The following LDHAL6A variants were observed in gnomAD, a reference collection of about 807,000 sequenced individuals.
LDHAL6A encodes lactate dehydrogenase A like 6A.
In LDHAL6A, 19 loss-of-function variants were observed where a neutral mutation model predicts 28.2. The observed-to-expected ratio is 0.67, with a 90% CI of 0.47 to 0.99. LDHAL6A has a LOEUF of 0.99. Ranked by LOEUF, LDHAL6A falls within the 50% of genes least tolerant of loss-of-function variation. The pLI, the probability that LDHAL6A is intolerant of heterozygous loss-of-function variation, is 0.00. For missense variants in LDHAL6A, 372 were observed against 398.6 expected, an observed-to-expected ratio of 0.93 and a Z score of 0.57; for synonymous variants, 144 against 134.4, an observed-to-expected ratio of 1.07 and a Z score of -0.49.
intron 1 of LDHAL6A, among the ~76,000 whole-genome samples, chr11:18,460,547 C>T (rs926930181): frequency 1.0e-4 from 15 of 148,662 alleles, no homozygotes; most frequent in African/African-American, 3.8e-4. Flanking sequence ...CAGCCAAGAT[C>T]GCACCATTGC....
At chr11:18,471,807 ACCCAGAATGGC>A in intron 3 of LDHAL6A, among the ~76,000 whole-genome samples, 1 of 150,560 alleles carries the variant, frequency 6.6e-6, no homozygotes, top group Admixed American at 6.6e-5. Context: ...ACAAAAATCT[ACCCAGAATGGC>A]TTATGAAGGT....
At chr11:18,471,444 A>G (rs1344355889) in intron 3 of LDHAL6A, among the ~76,000 whole-genome samples, 1 of 151,740 alleles carries the variant, frequency 6.6e-6, no homozygotes, top group East Asian at 1.9e-4. Flanking sequence ...TCCTGGCCTC[A>G]AGTGATCTAC....
chr11:18,456,095 T>G lies in LDHAL6A; in HGVS notation c.-586T>G, dbSNP rs1429626454. 1 of 153,610 alleles carries G rather than the reference T, an allele frequency of 6.5e-6. No individual in the cohort carries two copies. The highest frequency in any genetic ancestry group is 1.9e-4 in the East Asian group (1 of 5,212). 9.5% of individuals were successfully genotyped at this position (153,610 alleles called of 1,614,324 possible). On this transcript the variant is annotated 5_prime_UTR_variant, in exon 1 of 7. Transcript: ENST00000280706. ...ACCTCTTGAGTGAGTGGCCATGAGCTGGGCTGCAAGAGTCCTGGGGAGCAG... is the reference window on the plus strand; with the variant it reads ...ACCTCTTGAGTGAGTGGCCATGAGCGGGGCTGCAAGAGTCCTGGGGAGCAG...
intron 4 of LDHAL6A, 125 bp downstream of exon 4, chr11:18,475,764 C>T (rs754923761): frequency 2.5e-4 from 172 of 681,202 alleles, no homozygotes; most frequent in Non-Finnish European, 3.5e-4. Flanking sequence ...CTTTTAGTAG[C>T]GTTTAATTTT....
In LDHAL6A at chr11:18,456,769, C is replaced by T. The variant is rs1427607614; in HGVS notation, c.89C>T (p.Ser30Leu). The change falls in exon 1 of 7, where the codon TCG becomes TTG. Residue 30 changes from serine (S) to leucine (L), a missense_variant. Physicochemically the swap from Ser to Leu is moderately radical, Grantham distance 145 (BLOSUM62 -2). Coordinates refer to ENST00000280706, the MANE Select transcript of LDHAL6A (RefSeq NM_144972.5). ...AAGATCTCCATTGTAGGAACTGGAT[C>T]GGTTGGTGTGGCTTGTGCTATCAGC... The part of the protein sequence containing the change: ...HNKISIVGTG[S>L]VGVACAISIL... 5 of 1,613,666 alleles carry T rather than the reference C, an allele frequency of 3.1e-6. No individual in the cohort carries two copies. The highest frequency in any genetic ancestry group is 1.1e-5 in the South Asian group (1 of 91,010).
At chr11:18,457,484 A>G (rs1393862834) in intron 1 of LDHAL6A, among the ~76,000 whole-genome samples, 1 of 152,148 alleles carries the variant, frequency 6.6e-6, no homozygotes, top group Non-Finnish European at 1.5e-5. Flanking sequence ...ATAACCTTTA[A>G]TCCTGGCATG....
At position 18,463,997 on chromosome 11, in the gene LDHAL6A, G is replaced by C; in HGVS notation, c.163G>C (p.Glu55Gln). The C allele has an allele frequency of 1.9e-6, 3 of 1,613,982 alleles. No homozygotes were observed. Among genetic ancestry groups the C allele is most frequent in the Non-Finnish European group, 2.5e-6 (3 of 1,179,910 alleles). The change falls in exon 2 of 7, where the codon GAA becomes CAA. Residue 55 changes from glutamate (E) to glutamine (Q), a missense_variant. Physicochemically the swap from Glu to Gln is conservative, Grantham distance 29. This residue lies in a region of LDHAL6A where 77 missense variants were observed against 77.9 expected (regional missense o/e 0.99). Coordinates refer to ENST00000280706, the MANE Select transcript of LDHAL6A (RefSeq NM_144972.5). The part of the protein sequence containing the change: ...SDELVLVDVD[E>Q]GKLKGETMDL... ...TGAACTTGTCCTTGTGGATGTTGAT[G>C]AAGGCAAACTGAAGGGTGAGACAAT...
chr11:18,467,880 C>CATAT (rs1161164040), intron 3 of LDHAL6A, among the ~76,000 whole-genome samples: 100 of 44,356 alleles, frequency 2.3e-3, no homozygotes, highest in African/African-American at 0.011. Context: ...TATATACACA[C>CATAT]ATATATATAT....
At chr11:18,471,415 G>A (rs936443084) in intron 3 of LDHAL6A, among the ~76,000 whole-genome samples, 19 of 151,622 alleles carry the variant, frequency 1.3e-4, no homozygotes, top group Admixed American at 1.2e-3. Context: ...TTGCCATGTT[G>A]CCCAGGCTGG....
intron 3 of LDHAL6A, among the ~76,000 whole-genome samples, chr11:18,469,510 C>G (rs1849205824): frequency 6.6e-6 from 1 of 152,102 alleles, no homozygotes; most frequent in Non-Finnish European, 1.5e-5. Context: ...TAAGCACATT[C>G]AGAGGATACT....
At chr11:18,467,910 T>TACAC (rs1849122973) in intron 3 of LDHAL6A, among the ~76,000 whole-genome samples, 4 of 71,594 alleles carry the variant, frequency 5.6e-5, no homozygotes, top group African/African-American at 6.9e-5. Context: ...TATATATATA[T>TACAC]ATATATATAC....
Position 18,456,402 on chromosome 11 carries a change from C to CT in LDHAL6A, c.-276dup. 3.1e-6 allele frequency: 1 copy of CT among 326,846 alleles called. No homozygotes were observed. Among genetic ancestry groups the CT allele is most frequent in the Non-Finnish European group, 5.4e-6 (1 of 183,912 alleles). The allele number at this position is 326,846 out of a possible 1,614,324, so 20.2% of individuals were successfully genotyped here. A position where few individuals can be genotyped will look rare whatever the true frequency, so the allele number is the denominator to read the frequency against. On this transcript the variant is annotated 5_prime_UTR_variant, in exon 1 of 7. The change creates a premature stop within an existing upstream ORF in the 5' untranslated region. Transcript: ENST00000280706. ...ATGTTTGGTGGAGCAACCCCTGTTC[C>CT]TTTCCTCTCTCTCTCTCTTAATTCC...
At chr11:18,471,683 G>A (rs957759811) in intron 3 of LDHAL6A, among the ~76,000 whole-genome samples, 14 of 150,988 alleles carry the variant, frequency 9.3e-5, no homozygotes, top group African/African-American at 3.4e-4. Context: ...CCAGAACTTT[G>A]GGAGGCTGAG....
intron 3 of LDHAL6A, among the ~76,000 whole-genome samples, chr11:18,474,867 C>T (rs1005547592): frequency 1.3e-5 from 2 of 152,204 alleles, no homozygotes; most frequent in Non-Finnish European, 2.9e-5. Flanking sequence ...ATTCAATGCT[C>T]TTTGCTTCCT....
At chr11:18,466,936 G>A (rs1013703752) in intron 3 of LDHAL6A, among the ~76,000 whole-genome samples, 1 of 152,182 alleles carries the variant, frequency 6.6e-6, no homozygotes, top group Non-Finnish European at 1.5e-5. Flanking sequence ...ATAACTTCGA[G>A]AGTTTTTCCT....
Position 18,463,036 on chromosome 11 carries a change from G to A in LDHAL6A, c.127-925G>A, listed in dbSNP as rs374057628. Among the ~76,000 whole-genome samples, 84 of 151,366 alleles carry A rather than the reference G, an allele frequency of 5.5e-4. 1 individual carries two copies. In the South Asian group the frequency reaches 0.016, roughly 29 times the overall value. On this transcript the variant is annotated intron_variant, in intron 1 of 6. Transcript: ENST00000280706. ...CATCATAGAAATTATAGTATGAATTGATTTCTGTAGGTAATAACTGTCTGA... is the reference window on the plus strand; with the variant it reads ...CATCATAGAAATTATAGTATGAATTAATTTCTGTAGGTAATAACTGTCTGA...
chr11:18,470,505 C>A (rs1849231612), intron 3 of LDHAL6A, among the ~76,000 whole-genome samples: 2 of 152,150 alleles, frequency 1.3e-5, no homozygotes, highest in Admixed American at 1.3e-4. Flanking sequence ...AAATGAATCA[C>A]CAGAGACACT....
chr11:18,456,588 C>G lies in LDHAL6A; in HGVS notation c.-93C>G. On this transcript the variant is annotated 5_prime_UTR_variant, in exon 1 of 7. Transcript: ENST00000280706. ...CACGGGCCCAGGAGTTCTCTATACG[C>G]GCTCTCACCGCAGGTCTTGGAATTC... 8.6e-7 allele frequency: 1 copy of G among 1,169,570 alleles called. No homozygotes were observed. The highest frequency in any genetic ancestry group is 1.3e-6 in the Non-Finnish European group (1 of 795,234). The allele number at this position is 1,169,570 out of a possible 1,614,324, so 72.4% of individuals were successfully genotyped here.
intron 1 of LDHAL6A, among the ~76,000 whole-genome samples, chr11:18,461,782 G>T (rs900818435): frequency 3.3e-5 from 5 of 151,114 alleles, no homozygotes; most frequent in African/African-American, 1.2e-4. Context: ...AACCCGGGAA[G>T]GTGTGGGTTG....
Sources: gnomAD v4.1 joint callset for allele counts (sites outside exome capture counted in the v4.1 genomes callset) on GRCh38, gnomAD v4.1.1 for gene constraint, gnomAD v4.1.1 regional missense constraint, MANE v1.5 for transcripts, NCBI Gene and HGNC (gene_info 2026-07-23, HGNC 2026-07-21) for gene names.